UNC80: variants seen among roughly 807,000 people sequenced by gnomAD.
UNC80 encodes protein unc-80 homolog.
Under a neutral mutation model 384.6 loss-of-function variants are expected in UNC80, and 164 were observed. The observed-to-expected ratio is 0.43, with a 90% CI of 0.38 to 0.49. UNC80 has a LOEUF of 0.49. Among genes scored for constraint, UNC80 ranks in the 20% least tolerant of loss-of-function variants. The pLI is 0.00. For missense variants in UNC80, 3,330 were observed against 4,143.0 expected (o/e 0.80, Z 5.39); for synonymous variants, 1,486 against 1,527.8 (o/e 0.97, Z 0.64).
rs2093510632 is a variant in UNC80 at position 209,998,197 on chromosome 2, G to A, written c.*2602G>A. The A allele has an allele frequency of 6.6e-6, 1 of 152,194 alleles. No individual in the cohort carries two copies. Among genetic ancestry groups the A allele is most frequent in the Admixed American group, 6.5e-5 (1 of 15,276 alleles). 9.4% of individuals were successfully genotyped at this position (152,194 alleles called of 1,614,324 possible). ...TGCTTCTTCTGAAATTAGCTTTTGA[G>A]AGACCTTGGAATAAACCATGTGTTA... On this transcript the variant is annotated 3_prime_UTR_variant, in exon 65 of 65. Coordinates refer to ENST00000673920, the MANE Select transcript of UNC80 (RefSeq NM_001371986.1).
At chr2:209,825,601 C>T (rs142124939) in intron 13 of UNC80, among the ~76,000 whole-genome samples, 2 of 152,226 alleles carry the variant, frequency 1.3e-5, no homozygotes, top group East Asian at 3.9e-4. Flanking sequence ...TGCACTGTCT[C>T]TCTTTAGGTG....
intron 29 of UNC80, among the ~76,000 whole-genome samples, chr2:209,911,803 G>C (rs533652092): frequency 6.6e-6 from 1 of 152,288 alleles, no homozygotes; most frequent in South Asian, 2.1e-4. Flanking sequence ...GCCTGCCTTC[G>C]TTAGGTTCAG....
chr2:209,914,649 C>CTG (rs200222549), intron 31 of UNC80, among the ~76,000 whole-genome samples: 7,879 of 128,322 alleles, frequency 0.061, 334 homozygotes, highest in African/African-American at 0.13. Context: ...CTAGGGTAAA[C>CTG]TGTGTGTGTG....
At chr2:209,808,941 G>C in intron 7 of UNC80, 1 of 310,222 alleles carries the variant, frequency 3.2e-6, no homozygotes, top group Non-Finnish European at 6.2e-6. Flanking sequence ...CCACTGCTTT[G>C]CTGCCAACAC....
chr2:209,780,790 T>G (rs1015194654), intron 4 of UNC80, among the ~76,000 whole-genome samples: 2 of 152,222 alleles, frequency 1.3e-5, no homozygotes, highest in Admixed American at 6.5e-5. Context: ...GCCTATGGTC[T>G]TTCCCTACCC....
intron 7 of UNC80, among the ~76,000 whole-genome samples, chr2:209,798,832 C>T (rs1403515899): frequency 6.8e-6 from 1 of 146,730 alleles, no homozygotes; most frequent in Admixed American, 6.8e-5. Context: ...CGCCCACCAC[C>T]AAGCCTGGCT....
At chr2:209,914,763 G>A (rs1258057986) in intron 31 of UNC80, among the ~76,000 whole-genome samples, 4 of 151,922 alleles carry the variant, frequency 2.6e-5, no homozygotes, top group Admixed American at 6.6e-5. Context: ...GGGACATGCT[G>A]TAAGTGCACT....
chr2:209,959,363 G>T (rs975094603), intron 50 of UNC80, 126 bp from the exon 51 acceptor site: 1 of 1,102,680 alleles, frequency 9.1e-7, no homozygotes, highest in African/African-American at 1.6e-5. Flanking sequence ...GTTCTCCTTG[G>T]CCTCACCCTA....
intron 4 of UNC80, among the ~76,000 whole-genome samples, chr2:209,780,407 GAATA>G: frequency 6.6e-6 from 1 of 152,272 alleles, no homozygotes; most frequent in African/African-American, 2.4e-5. Context: ...AAGCTGTAGA[GAATA>G]AAAAGCATTC....
At chr2:209,956,418 A>T (rs1014727046) in intron 48 of UNC80, among the ~76,000 whole-genome samples, 15 of 152,304 alleles carry the variant, frequency 9.8e-5, no homozygotes, top group African/African-American at 3.1e-4. Context: ...TTTTTGGCAG[A>T]ATCTAGTTCC....
At chr2:209,803,746 T>C (rs1454471578) in intron 7 of UNC80, among the ~76,000 whole-genome samples, 1 of 152,108 alleles carries the variant, frequency 6.6e-6, no homozygotes, top group Admixed American at 6.6e-5. Context: ...TAATTTAATT[T>C]TTTAGAGACA....
At chr2:209,874,168 C>T (rs1214131991) in intron 23 of UNC80, among the ~76,000 whole-genome samples, 1 of 152,102 alleles carries the variant, frequency 6.6e-6, no homozygotes, top group Non-Finnish European at 1.5e-5. Flanking sequence ...TTCCATTGTA[C>T]TTATCCTTCA....
chr2:209,965,806 A>G (rs574124293), intron 51 of UNC80, among the ~76,000 whole-genome samples: 1 of 151,946 alleles, frequency 6.6e-6, no homozygotes, highest in Admixed American at 6.6e-5. Flanking sequence ...AAAAATAATA[A>G]TAATAAGAGG....
intron 37 of UNC80, 50 bp downstream of exon 37, chr2:209,930,021 A>C: frequency 3.8e-6 from 5 of 1,324,574 alleles, no homozygotes; most frequent in Non-Finnish European, 5.1e-6. Flanking sequence ...AAGTGTGAAC[A>C]CTGTTAAAAT....
In UNC80 at chr2:209,837,489, C is replaced by T. The variant is rs185212609; in HGVS notation, c.3042-1733C>T. ...TTGAGCATGTGTGCACACAAAACCA[C>T]ACTCAGACATGTGGCCACATGTGTA... On this transcript the variant is annotated intron_variant, in intron 18 of 64. Coordinates refer to ENST00000673920, the MANE Select transcript of UNC80 (RefSeq NM_001371986.1). Among the ~76,000 whole-genome samples the T allele has an allele frequency of 2.5e-3, 378 of 152,312 alleles. 5 individuals are homozygous for T. The highest frequency in any genetic ancestry group is 0.02 in the Admixed American group (306 of 15,306).
chr2:209,826,629 C>G (rs930710307), intron 14 of UNC80, among the ~76,000 whole-genome samples: 2 of 152,144 alleles, frequency 1.3e-5, no homozygotes, highest in East Asian at 3.9e-4. Context: ...ACTTGAAACT[C>G]TGCATTTGGG....
chr2:209,882,270 T>A (rs901812542), intron 25 of UNC80, among the ~76,000 whole-genome samples: 2 of 151,972 alleles, frequency 1.3e-5, no homozygotes, highest in South Asian at 4.1e-4. Flanking sequence ...TGGCCACGTT[T>A]CCTCCTTTTT....
intron 54 of UNC80, among the ~76,000 whole-genome samples, 170 bp from the exon 55 acceptor site, chr2:209,972,031 G>A (rs1449723084): frequency 6.6e-6 from 1 of 152,116 alleles, no homozygotes; most frequent in Non-Finnish European, 1.5e-5. Flanking sequence ...CAAGACAATG[G>A]TAAAGTATCA....
intron 7 of UNC80, chr2:209,808,811 G>A (rs932399689): frequency 6.9e-5 from 2 of 29,022 alleles, no homozygotes; most frequent in African/African-American, 1.2e-3. Context: ...ACCATGCCGC[G>A]CTCTTTCCTC....
Sources: gnomAD v4.1 joint callset for allele counts (sites outside exome capture counted in the v4.1 genomes callset) on GRCh38, gnomAD v4.1.1 for gene constraint, MANE v1.5 for transcripts, NCBI Gene and HGNC (gene_info 2026-07-23, HGNC 2026-07-21) for gene names.